MICU1: variants seen among roughly 807,000 people sequenced by gnomAD.
MICU1 encodes the protein mitochondrial calcium uptake 1.
A neutral mutation model predicts 56.8 loss-of-function variants in MICU1; 45 were observed. That is an observed-to-expected ratio of 0.79 (90% CI 0.62 to 1.02). MICU1 has a LOEUF of 1.02. MICU1 is among the 50% of genes least tolerant of loss of function. The pLI is 0.00. For synonymous variants in MICU1, 186 were observed against 195.1 expected, an observed-to-expected ratio of 0.95 and a Z score of 0.39; for missense variants, 504 against 587.1, an observed-to-expected ratio of 0.86 and a Z score of 1.46.
chr10:72,441,615 CTT>C (rs71018287), intron 8 of MICU1, among the ~76,000 whole-genome samples: 13 of 105,484 alleles, frequency 1.2e-4, no homozygotes, highest in African/African-American at 3.0e-4. Flanking sequence ...TTTAATTTTT[CTT>C]TTTTTTTTTT....
chr10:72,442,745 T>C (rs1864979149), intron 8 of MICU1, among the ~76,000 whole-genome samples: 1 of 152,146 alleles, frequency 6.6e-6, no homozygotes, highest in African/African-American at 2.4e-5. Context: ...CAGAAGAGTA[T>C]GCTTTGCATT....
At chr10:72,411,709 C>G (rs906509970) in intron 9 of MICU1, among the ~76,000 whole-genome samples, 2 of 152,054 alleles carry the variant, frequency 1.3e-5, no homozygotes, top group African/African-American at 4.8e-5. Flanking sequence ...CATAAAATTC[C>G]TAAAACAGTT....
chr10:72,585,856 T>C (rs1841034508), intron 1 of MICU1, among the ~76,000 whole-genome samples: 1 of 151,974 alleles, frequency 6.6e-6, no homozygotes, highest in Admixed American at 6.6e-5. Flanking sequence ...AATATTTGCA[T>C]TCAAACTATG....
rs1485177988 is a variant in MICU1 at position 72,511,548 on chromosome 10, C to T, written c.538-3279G>A. Among the ~76,000 whole-genome samples, 13 of 152,098 alleles carry T rather than the reference C, an allele frequency of 8.5e-5. 1 individual carries two copies. In the South Asian group the frequency reaches 2.7e-3, roughly 32 times the overall value. On this transcript the variant is annotated intron_variant, in intron 5 of 11. Coordinates refer to ENST00000361114, the MANE Select transcript of MICU1 (RefSeq NM_001195518.2). Reference sequence around the variant, plus strand: ...CACTATAGTTAGTAATCGTATGTGCCCCAGTTATAAAGGCAGTCATCTGAA... The same window carrying T: ...CACTATAGTTAGTAATCGTATGTGCTCCAGTTATAAAGGCAGTCATCTGAA...
At chr10:72,587,464 CAA>C (rs35303837) in intron 1 of MICU1, among the ~76,000 whole-genome samples, 15 of 92,860 alleles carry the variant, frequency 1.6e-4, no homozygotes, top group Admixed American at 4.0e-4. Flanking sequence ...CAGCATGTCT[CAA>C]AAAAAAAAAA....
At chr10:72,588,230 A>C (rs1047075771) in intron 1 of MICU1, among the ~76,000 whole-genome samples, 1 of 152,068 alleles carries the variant, frequency 6.6e-6, no homozygotes, top group Non-Finnish European at 1.5e-5. Context: ...GCCATAATTG[A>C]AAGTTTCCTG....
rs569763689 is a variant in MICU1 at position 72,509,341 on chromosome 10, T to C, written c.538-1072A>G. The C allele has an allele frequency of 5.8e-5, 76 of 1,315,360 alleles. 1 individual carries two copies. The South Asian group carries it at 8.9e-4, about 15-fold the overall frequency. 81.5% of individuals were successfully genotyped at this position (1,315,360 alleles called of 1,614,324 possible). A position where few individuals can be genotyped will look rare whatever the true frequency, so the allele number is the denominator to read the frequency against. On this transcript the variant is annotated intron_variant, in intron 5 of 11. Coordinates refer to ENST00000361114, the MANE Select transcript of MICU1 (RefSeq NM_001195518.2). ...ACTTCAAGAGGAGTATGATGAAAAC[T>C]AAACCAACAAGCACCATCACACCAG...
chr10:72,488,093 G>A (rs1451736918), intron 6 of MICU1, among the ~76,000 whole-genome samples: 1 of 151,744 alleles, frequency 6.6e-6, no homozygotes, highest in Non-Finnish European at 1.5e-5. Flanking sequence ...CTACTCGGGA[G>A]GCTGAGGCAG....
chr10:72,442,300 G>C (rs964692866), intron 8 of MICU1, among the ~76,000 whole-genome samples: 1 of 151,668 alleles, frequency 6.6e-6, no homozygotes, highest in East Asian at 2.0e-4. Context: ...ACACCACCAT[G>C]CCTGGCTAAT....
chr10:72,477,190 A>C lies in MICU1; in HGVS notation c.719T>G (p.Met240Arg). The C allele has an allele frequency of 6.5e-7, 1 of 1,548,304 alleles. No homozygotes were observed. Among genetic ancestry groups the C allele is most frequent in the Non-Finnish European group, 8.7e-7 (1 of 1,146,186 alleles). ...FDLNGDGEVDMEEFEQVQSII... is the reference protein window; with the variant it reads ...FDLNGDGEVDREEFEQVQSII... ...ACAACTTGCCTGTTCAAATTCTTCC[A>C]TATCTACTTCTCCATCTCCATTCAA... Residue 240 changes from methionine to arginine, a missense_variant, in exon 7 of 12, where the codon ATG (methionine) becomes AGG (arginine). Transcript: ENST00000361114.
chr10:72,437,038 T>C (rs1028006084), intron 8 of MICU1, among the ~76,000 whole-genome samples: 3 of 152,022 alleles, frequency 2.0e-5, no homozygotes, highest in African/African-American at 7.2e-5. Flanking sequence ...ATTCAGGAAA[T>C]ACAGAGAATG....
At chr10:72,571,297 G>A (rs936919888) in intron 1 of MICU1, among the ~76,000 whole-genome samples, 1 of 152,200 alleles carries the variant, frequency 6.6e-6, no homozygotes, top group African/African-American at 2.4e-5. Context: ...CGAGGAGGCG[G>A]AGGTTGTAGT....
intron 5 of MICU1, among the ~76,000 whole-genome samples, chr10:72,526,614 T>C (rs1461981583): frequency 6.6e-6 from 1 of 152,162 alleles, no homozygotes; most frequent in Non-Finnish European, 1.5e-5. Context: ...AATTACATCC[T>C]AAATTTTGCT....
intron 5 of MICU1, among the ~76,000 whole-genome samples, chr10:72,512,933 G>A (rs1490755520): frequency 2.0e-5 from 3 of 152,044 alleles, no homozygotes; most frequent in Admixed American, 2.0e-4. Flanking sequence ...TTGAACTCCT[G>A]GAGTTAAGCA....
intron 5 of MICU1, chr10:72,523,751 A>C (rs1867889955): frequency 8.2e-7 from 1 of 1,219,656 alleles, no homozygotes; most frequent in Non-Finnish European, 1.1e-6. Flanking sequence ...TTAATAATTT[A>C]TAAACTACCA....
intron 2 of MICU1, 30 bp from the exon 3 acceptor site, chr10:72,563,093 A>C: frequency 6.8e-7 from 1 of 1,465,050 alleles, no homozygotes; most frequent in Non-Finnish European, 9.0e-7. Context: ...ATCTAGATTA[A>C]TCTTGAACGT....
chr10:72,520,717 TG>T (rs1316638237), intron 5 of MICU1, among the ~76,000 whole-genome samples: 1 of 152,190 alleles, frequency 6.6e-6, no homozygotes, highest in Non-Finnish European at 1.5e-5. Context: ...CAAATGAAGA[TG>T]TTTTTAAAAA....
chr10:72,511,683 T>G (rs1459531494), intron 5 of MICU1, among the ~76,000 whole-genome samples: 1 of 152,206 alleles, frequency 6.6e-6, no homozygotes, highest in Non-Finnish European at 1.5e-5. Flanking sequence ...AAATTTTATC[T>G]TTCACAAATG....
chr10:72,419,592 C>T (rs990510639), intron 9 of MICU1, among the ~76,000 whole-genome samples: 3 of 152,166 alleles, frequency 2.0e-5, no homozygotes, highest in African/African-American at 4.8e-5. Flanking sequence ...TAGGGCAATG[C>T]TATGCATGCA....
Sources: gnomAD v4.1 joint callset for allele counts (sites outside exome capture counted in the v4.1 genomes callset) on GRCh38, gnomAD v4.1.1 for gene constraint, MANE v1.5 for transcripts, NCBI Gene and HGNC (gene_info 2026-07-23, HGNC 2026-07-21) for gene names.